Variants in PSKH1 observed in about 807,000 individuals in gnomAD.
PSKH1 encodes protein serine kinase H1.
Under a neutral mutation model 26.7 loss-of-function variants are expected in PSKH1, and 12 were observed. The observed-to-expected ratio is 0.45, with a 90% CI of 0.29 to 0.73. PSKH1 has a LOEUF of 0.73. Ranked by LOEUF, PSKH1 falls within the 30% of genes least tolerant of loss-of-function variation. The pLI, the probability that PSKH1 is intolerant of heterozygous loss-of-function variation, is 0.11. For missense variants in PSKH1, 431 were observed against 595.2 expected, an observed-to-expected ratio of 0.72 and a Z score of 2.87; for synonymous variants, 213 against 234.3, an observed-to-expected ratio of 0.91 and a Z score of 0.83.
At chr16:67,906,273 T>G (rs1165961866) in intron 1 of PSKH1, among the ~76,000 whole-genome samples, 1 of 151,878 alleles carries the variant, frequency 6.6e-6, no homozygotes, top group African/African-American at 2.4e-5. Flanking sequence ...GGTTTCACCA[T>G]GTTGGCCTGG....
intron 1 of PSKH1, 115 bp from the exon 2 acceptor site, chr16:67,908,565 G>C (rs1335775970): frequency 3.6e-6 from 2 of 556,908 alleles, no homozygotes; most frequent in Non-Finnish European, 6.3e-6. Context: ...CATCACGCCT[G>C]GCCAGGAGTT....
chr16:67,920,698 C>T (rs2058199803), intron 2 of PSKH1, among the ~76,000 whole-genome samples: 1 of 152,236 alleles, frequency 6.6e-6, no homozygotes, highest in African/African-American at 2.4e-5. Context: ...CCTCTCCAAG[C>T]TCACCTTCCC....
intron 2 of PSKH1, among the ~76,000 whole-genome samples, chr16:67,918,233 T>C (rs915721737): frequency 6.6e-6 from 1 of 152,154 alleles, no homozygotes; most frequent in Non-Finnish European, 1.5e-5. Flanking sequence ...GGGGCTCTTG[T>C]AGGATTGATA....
Position 67,909,426 on chromosome 16 carries a change from A to C in PSKH1, c.677A>C (p.Tyr226Ser). ...GACCTCAAACCTGAGAATCTGCTCT[A>C]CTACCATCCGGGCACTGACTCCAAG... ...HRDLKPENLL[Y>S]YHPGTDSKII... Residue 226 changes from tyrosine to serine, a missense_variant, in exon 2 of 3, where the codon TAC (tyrosine) becomes TCC (serine). Tyr to Ser is a moderately radical substitution (Grantham distance 144). Transcript: ENST00000291041. This position sits in a 1 kb window ranked among gnomAD's most constrained non-coding sequence, Gnocchi z 7.8. 1 of 1,613,512 alleles carries C rather than the reference A, an allele frequency of 6.2e-7. No homozygotes were observed.
At chr16:67,893,751 C>A (rs1021587149) in intron 1 of PSKH1, among the ~76,000 whole-genome samples, 4 of 152,242 alleles carry the variant, frequency 2.6e-5, no homozygotes, top group Admixed American at 2.6e-4. Context: ...CTACTCCACA[C>A]CCCTCCTTTG....
intron 1 of PSKH1, among the ~76,000 whole-genome samples, chr16:67,904,284 A>C (rs1297803128): frequency 6.6e-6 from 1 of 151,538 alleles, no homozygotes; most frequent in African/African-American, 2.4e-5. Flanking sequence ...GGCTCGCTGC[A>C]ACCTCTGCCT....
At chr16:67,896,678 G>T (rs2058127552) in intron 1 of PSKH1, among the ~76,000 whole-genome samples, 1 of 151,664 alleles carries the variant, frequency 6.6e-6, no homozygotes, top group African/African-American at 2.4e-5. Context: ...GCAATATGGT[G>T]CCTCTAAATC....
chr16:67,927,238 A>G lies in PSKH1; in HGVS notation c.958-87A>G, dbSNP rs986062423. On this transcript the variant is annotated intron_variant, in intron 2 of 2. Coordinates refer to ENST00000291041, the MANE Select transcript of PSKH1 (RefSeq NM_006742.3). This position sits in a 1 kb window ranked among gnomAD's most constrained non-coding sequence, Gnocchi z 5.5. ...GGAGGGGCAGCACCTCTCTCTGGAA[A>G]GGGGAGGGTTGCTGAGTAGTGGCCT... The G allele has an allele frequency of 6.0e-6, 8 of 1,334,110 alleles. No individual in the cohort carries two copies. Among genetic ancestry groups the G allele is most frequent in the Non-Finnish European group, 8.2e-6 (8 of 970,126 alleles). The allele number at this position is 1,334,110 out of a possible 1,614,324, so 82.6% of individuals were successfully genotyped here.
chr16:67,911,289 G>A (rs2151312827), intron 2 of PSKH1, among the ~76,000 whole-genome samples: 1 of 152,290 alleles, frequency 6.6e-6, no homozygotes, highest in South Asian at 2.1e-4. Flanking sequence ...TCTGTGGAGG[G>A]GAAGGAGCTC....
chr16:67,902,815 T>C (rs952122952), intron 1 of PSKH1, among the ~76,000 whole-genome samples: 1 of 147,432 alleles, frequency 6.8e-6, no homozygotes, highest in Non-Finnish European at 1.5e-5. Flanking sequence ...TGGTAGATGT[T>C]GTTACTGAGT....
At chr16:67,922,557 G>A (rs758601080) in intron 2 of PSKH1, among the ~76,000 whole-genome samples, 12 of 152,156 alleles carry the variant, frequency 7.9e-5, no homozygotes, top group Non-Finnish European at 1.3e-4. Flanking sequence ...GGCTCAAGAG[G>A]TCAGCTTAAA....
At chr16:67,918,868 A>C (rs1280403382) in intron 2 of PSKH1, among the ~76,000 whole-genome samples, 1 of 152,194 alleles carries the variant, frequency 6.6e-6, no homozygotes, top group African/African-American at 2.4e-5. Context: ...CTGGGATTAC[A>C]GGTGTGAGCC....
At chr16:67,919,382 C>G (rs1256185669) in intron 2 of PSKH1, among the ~76,000 whole-genome samples, 3 of 152,176 alleles carry the variant, frequency 2.0e-5, no homozygotes, top group African/African-American at 7.2e-5. Flanking sequence ...AAACACAAAT[C>G]AGTTTAGAAT....
Position 67,895,165 on chromosome 16 carries a change from C to T in PSKH1, c.-71+1794C>T, listed in dbSNP as rs142099452. Among the ~76,000 whole-genome samples, 573 of 152,038 alleles carry T rather than the reference C, an allele frequency of 3.8e-3. 15 individuals are homozygous for T. The East Asian group carries it at 0.073, about 19-fold the overall frequency. ...CTCGAACTCCTGACCTCAGGTGATC[C>T]ACCTGCCTCGGCCTCCCAAAGTGCT... is the stretch of plus-strand genomic sequence containing the variant. On this transcript the variant is annotated intron_variant, in intron 1 of 2. Coordinates refer to ENST00000291041, the MANE Select transcript of PSKH1 (RefSeq NM_006742.3).
At chr16:67,924,853 C>G (rs2058211879) in intron 2 of PSKH1, among the ~76,000 whole-genome samples, 1 of 152,230 alleles carries the variant, frequency 6.6e-6, no homozygotes, top group African/African-American at 2.4e-5. Context: ...CTTTCTGTCT[C>G]TCCGGTGGGT....
At position 67,898,052 on chromosome 16, in the gene PSKH1, G is replaced by A. The variant is rs879387800; in HGVS notation, c.-71+4681G>A. Among the ~76,000 whole-genome samples, 10 of 152,116 alleles carry A rather than the reference G, an allele frequency of 6.6e-5. 1 individual carries two copies. In the South Asian group the frequency reaches 1.5e-3, roughly 22 times the overall value. ...TTTTTAGTAGAGACGGGGTTTCACT[G>A]TGTTGGCCAGGCTGGTCTTGAACTC... On this transcript the variant is annotated intron_variant, in intron 1 of 2. Coordinates refer to ENST00000291041, the MANE Select transcript of PSKH1 (RefSeq NM_006742.3).
chr16:67,894,921 GT>G (rs553685060), intron 1 of PSKH1, among the ~76,000 whole-genome samples: 250 of 123,082 alleles, frequency 2.0e-3, no homozygotes, highest in African/African-American at 5.7e-3. Context: ...GTCTGAGTTA[GT>G]TTTTTTTTTT....
At chr16:67,908,370 A>G (rs2058162449) in intron 1 of PSKH1, among the ~76,000 whole-genome samples, 1 of 152,140 alleles carries the variant, frequency 6.6e-6, no homozygotes, top group African/African-American at 2.4e-5. Flanking sequence ...CCTGGGTTCA[A>G]TCGATTCTTG....
In PSKH1 at chr16:67,908,675, T is replaced by C. The variant is rs2058163169; in HGVS notation, c.-70-5T>C. 6 of 1,265,144 alleles carry C rather than the reference T, an allele frequency of 4.7e-6. No individual in the cohort carries two copies. The highest frequency in any genetic ancestry group is 2.1e-4 in the Middle Eastern group (1 of 4,868). 78.4% of individuals were successfully genotyped at this position (1,265,144 alleles called of 1,614,324 possible). A position where few individuals can be genotyped will look rare whatever the true frequency, so the allele number is the denominator to read the frequency against. The stretch of plus-strand genomic sequence containing the variant: ...TGTGCTGACTTGTTCTCTCTTTGTG[T>C]GTAGGTGTAGACGGGGCACTGCCTT... On this transcript the variant is annotated splice_polypyrimidine_tract_variant and splice_region_variant and intron_variant, in intron 1 of 2. Transcript: ENST00000291041.
Sources: allele counts gnomAD v4.1 joint callset (sites outside exome capture counted in the v4.1 genomes callset), GRCh38; gene constraint gnomAD v4.1.1; non-coding constraint Gnocchi (gnomAD v3.1); transcripts MANE v1.5; gene names NCBI Gene and HGNC (gene_info 2026-07-23, HGNC 2026-07-21).